BHLHE40: variants seen among roughly 807,000 people sequenced by gnomAD.
BHLHE40 encodes class E basic helix-loop-helix protein 40.
A neutral mutation model predicts 35.7 loss-of-function variants in BHLHE40; 3 were observed. That is an observed-to-expected ratio of 0.08 (90% CI 0.04 to 0.22). The LOEUF (loss-of-function observed/expected upper bound fraction) is 0.22. Ranked by LOEUF, BHLHE40 falls within the 10% of genes least tolerant of loss-of-function variation. The pLI is 1.00. For synonymous variants in BHLHE40, 236 were observed against 213.0 expected (o/e 1.11, Z -0.94); for missense variants, 486 against 524.0 (o/e 0.93, Z 0.71).
At chr3:4,980,473 C>A in intron 3 of BHLHE40, 65 bp downstream of exon 3, 1 of 1,395,320 alleles carries the variant, frequency 7.2e-7, no homozygotes, top group Non-Finnish European at 1.0e-6. Flanking sequence ...GGTCACTCGC[C>A]GCCTGCAGGT....
At position 4,983,089 on chromosome 3, in the gene BHLHE40, G is replaced by C; in HGVS notation, c.636G>C (p.Ser212=). The change falls in exon 5 of 5, where the codon TCG becomes TCC. Residue 212 remains serine (S), a synonymous_variant. Coordinates refer to ENST00000256495, the MANE Select transcript of BHLHE40 (RefSeq NM_003670.3). The surrounding 1 kb of genome is among the most constrained non-coding windows in gnomAD (Gnocchi z 5.0). ...AACCCAGCTCTCCGGCCAAAGGTTC[G>C]GAAGGTCCTGGGAAAAACTGCGTGC... ...KEKPSSPAKG[S]EGPGKNCVPV... is the part of the protein sequence containing the mutation. 1 of 1,614,070 alleles carries C rather than the reference G, an allele frequency of 6.2e-7. No homozygotes were observed. Among genetic ancestry groups the C allele is most frequent in the South Asian group, 1.1e-5 (1 of 91,082 alleles).
intron 3 of BHLHE40, 32 bp from the exon 4 acceptor site, chr3:4,981,360 C>G (rs778614032): frequency 4.3e-6 from 7 of 1,611,390 alleles, no homozygotes; most frequent in Non-Finnish European, 5.9e-6. Flanking sequence ...CTTCTCTGAC[C>G]TCACCGCTGA....
Position 4,983,702 on chromosome 3 carries a change from G to C in BHLHE40, c.*10G>C. 6.4e-7 allele frequency: 1 copy of C among 1,574,054 alleles called. No individual in the cohort carries two copies. Among genetic ancestry groups the C allele is most frequent in the Non-Finnish European group, 8.6e-7 (1 of 1,162,104 alleles). On this transcript the variant is annotated 3_prime_UTR_variant, in exon 5 of 5. Transcript: ENST00000256495. The surrounding 1 kb of genome is among the most constrained non-coding windows in gnomAD (Gnocchi z 5.0). ...AGAAACCAAAGACTAAACTCTCTAG[G>C]GGATCCTGCTGCTTTGCTTTCCTTC...
intron 4 of BHLHE40, chr3:4,981,756 G>A: frequency 2.3e-6 from 1 of 434,772 alleles, no homozygotes; most frequent in African/African-American, 2.0e-5. Flanking sequence ...TAGCTTGAGA[G>A]TCTCTGGGTT....
intron 1 of BHLHE40, 60 bp downstream of exon 1, chr3:4,979,858 C>G: frequency 6.2e-7 from 1 of 1,601,654 alleles, no homozygotes; most frequent in Non-Finnish European, 8.5e-7. Flanking sequence ...ATGCGCCACT[C>G]TCAACTTGGA....
chr3:4,980,471 G>A (rs1260001937), intron 3 of BHLHE40, 63 bp downstream of exon 3: 7 of 1,398,514 alleles, frequency 5.0e-6, no homozygotes, highest in Non-Finnish European at 6.0e-6. Context: ...CGGGTCACTC[G>A]CCGCCTGCAG....
intron 4 of BHLHE40, 153 bp downstream of exon 4, chr3:4,981,668 G>C (rs1441369813): frequency 9.6e-7 from 1 of 1,045,552 alleles, no homozygotes; most frequent in East Asian, 2.6e-5. Flanking sequence ...TAAAAGGTCA[G>C]ACTTTTCATT....
Position 4,979,951 on chromosome 3 carries a change from T to A in BHLHE40, c.81-11T>A. The A allele has an allele frequency of 6.2e-7, 1 of 1,614,068 alleles. No homozygotes were observed. The highest frequency in any genetic ancestry group is 2.2e-5 in the East Asian group (1 of 44,872). On this transcript the variant is annotated splice_polypyrimidine_tract_variant and intron_variant, in intron 1 of 4. Coordinates refer to ENST00000256495, the MANE Select transcript of BHLHE40 (RefSeq NM_003670.3). ...AGCAGTCACGACCCTTCCTGGTCTC[T>A]CTTCCTGCAGGATGTACCCTGCCCA...
chr3:4,983,791 T>C lies in BHLHE40; in HGVS notation c.*99T>C. 7.0e-7 allele frequency: 1 copy of C among 1,422,802 alleles called. No individual in the cohort carries two copies. Among genetic ancestry groups the C allele is most frequent in the Non-Finnish European group, 9.4e-7 (1 of 1,060,308 alleles). 88.1% of individuals were successfully genotyped at this position (1,422,802 alleles called of 1,614,324 possible). On this transcript the variant is annotated 3_prime_UTR_variant, in exon 5 of 5. Coordinates refer to ENST00000256495, the MANE Select transcript of BHLHE40 (RefSeq NM_003670.3). This position sits in a 1 kb window ranked among gnomAD's most constrained non-coding sequence, Gnocchi z 5.0. ...AATGCTGCAAGATTGTTGCATTGTG[T>C]ATACTGAGATAATCTGAGGCATGGA... is the stretch of plus-strand genomic sequence containing the variant.
At chr3:4,981,122 T>C (rs1045644872) in intron 3 of BHLHE40, among the ~76,000 whole-genome samples, 1 of 150,628 alleles carries the variant, frequency 6.6e-6, no homozygotes, top group Non-Finnish European at 1.5e-5. Flanking sequence ...CCAAAATGCC[T>C]CCAAAGACAG....
At chr3:4,982,166 T>C (rs2053203809) in intron 4 of BHLHE40, among the ~76,000 whole-genome samples, 1 of 152,234 alleles carries the variant, frequency 6.6e-6, no homozygotes, top group African/African-American at 2.4e-5. Flanking sequence ...TTCATGCTTG[T>C]CTGCCTTCCT....
intron 2 of BHLHE40, 118 bp downstream of exon 2, chr3:4,980,149 C>T (rs2053178848): frequency 8.3e-7 from 1 of 1,198,624 alleles, no homozygotes. Flanking sequence ...CTCGGTGCCT[C>T]TTCTGAGTGA....
intron 2 of BHLHE40, 67 bp from the exon 3 acceptor site, chr3:4,980,234 G>A: frequency 2.1e-6 from 3 of 1,397,862 alleles, no homozygotes; most frequent in Non-Finnish European, 3.0e-6. Context: ...CTGTTGCTGC[G>A]GGGCTGGGAG....
rs776510674 is a variant in BHLHE40 at position 4,979,742 on chromosome 3, A to C, written c.24A>C (p.Gln8His). 6.4e-7 allele frequency: 1 copy of C among 1,572,412 alleles called. No homozygotes were observed. Among genetic ancestry groups the C allele is most frequent in the Non-Finnish European group, 8.6e-7 (1 of 1,159,154 alleles). Reference sequence around the variant, plus strand: ...CCATGGAGCGGATCCCCAGCGCGCAACCACCCCCCGCCTGCCTGCCCAAAG... The same window carrying C: ...CCATGGAGCGGATCCCCAGCGCGCACCCACCCCCCGCCTGCCTGCCCAAAG... MERIPSA[Q>H]PPPACLPKAP... Residue 8 changes from glutamine to histidine, a missense_variant, in exon 1 of 5, where the codon CAA (glutamine) becomes CAC (histidine). Gln to His is a conservative substitution (Grantham distance 24). Transcript: ENST00000256495.
Position 4,979,587 on chromosome 3 carries a change from AG to A in BHLHE40, c.-128del. On this transcript the variant is annotated 5_prime_UTR_variant, in exon 1 of 5. Coordinates refer to ENST00000256495, the MANE Select transcript of BHLHE40 (RefSeq NM_003670.3). ...TCAAAGCCGAAGATTCCAGCAGCCCAGGGGATTTCAAAGAGCTCAGACTCAG... is the reference window on the plus strand; with the variant it reads ...TCAAAGCCGAAGATTCCAGCAGCCCAGGGATTTCAAAGAGCTCAGACTCAG... 1.1e-6 allele frequency: 1 copy of A among 924,920 alleles called. No individual in the cohort carries two copies. Among genetic ancestry groups the A allele is most frequent in the South Asian group, 1.7e-5 (1 of 60,048 alleles). The allele number at this position is 924,920 out of a possible 1,614,324, so 57.3% of individuals were successfully genotyped here.
chr3:4,980,529 T>TGG, intron 3 of BHLHE40, 121 bp downstream of exon 3: 1 of 803,680 alleles, frequency 1.2e-6, no homozygotes, highest in African/African-American at 1.7e-5. Flanking sequence ...AGCTGGCGGG[T>TGG]GGCTCTGCGG....
chr3:4,980,104 C>A, intron 2 of BHLHE40, 73 bp downstream of exon 2: 1 of 1,533,670 alleles, frequency 6.5e-7, no homozygotes, highest in South Asian at 1.1e-5. Flanking sequence ...AAAGTTTTCT[C>A]GCTTTGAGGT....
chr3:4,984,542 T>A lies in BHLHE40; in HGVS notation c.*850T>A, dbSNP rs1201659746. On this transcript the variant is annotated 3_prime_UTR_variant, in exon 5 of 5. Transcript: ENST00000256495. ...GACACCCCGAGCGAGCACCCCAAAG[T>A]GCACAAAGCTGAGTAAAAAGCTGCC... 6.6e-6 allele frequency: 1 copy of A among 152,344 alleles called. No individual in the cohort carries two copies. The highest frequency in any genetic ancestry group is 1.5e-5 in the Non-Finnish European group (1 of 68,162). 9.4% of individuals were successfully genotyped at this position (152,344 alleles called of 1,614,324 possible).
In BHLHE40 at chr3:4,979,855, AC is replaced by A. The variant is rs573422806; in HGVS notation, c.80+58del. ...CAACTGCAGCCCCATGTTATGCGCC[AC>A]TCTCAACTTGGAGCAGCTCCGGGCG... On this transcript the variant is annotated intron_variant, in intron 1 of 4. Coordinates refer to ENST00000256495, the MANE Select transcript of BHLHE40 (RefSeq NM_003670.3). The A allele has an allele frequency of 4.4e-4, 699 of 1,600,024 alleles. 2 individuals are homozygous for A. In the African/African-American group the frequency reaches 8.3e-3, roughly 19 times the overall value.
Sources: gnomAD v4.1 joint callset for allele counts (sites outside exome capture counted in the v4.1 genomes callset) on GRCh38, gnomAD v4.1.1 for gene constraint, Gnocchi (gnomAD v3.1) non-coding constraint, MANE v1.5 for transcripts, NCBI Gene and HGNC (gene_info 2026-07-23, HGNC 2026-07-21) for gene names.